Variants in WTIP observed in about 807,000 individuals in gnomAD.
WTIP encodes Wilms tumor protein 1-interacting protein.
A neutral mutation model predicts 41.7 loss-of-function variants in WTIP; 23 were observed. The ratio of observed to expected loss-of-function variants is 0.55; its 90% confidence interval spans 0.40 to 0.78. WTIP has a LOEUF of 0.78. Ranked by LOEUF, WTIP falls within the 30% of genes least tolerant of loss-of-function variation. The pLI, the probability that WTIP is intolerant of heterozygous loss-of-function variation, is 0.00. For synonymous variants in WTIP, 314 were observed against 269.9 expected (o/e 1.16, Z -1.60); for missense variants, 619 against 610.5 (o/e 1.01, Z -0.15).
Position 34,507,246 on chromosome 19 carries a change from A to T in WTIP, c.*6977A>T, listed in dbSNP as rs1212335637. 1 of 144,116 alleles carries T rather than the reference A, an allele frequency of 6.9e-6. No individual in the cohort carries two copies. Among genetic ancestry groups the T allele is most frequent in the African/African-American group, 2.7e-5 (1 of 36,886 alleles). The allele number at this position is 144,116 out of a possible 1,614,324, so 8.9% of individuals were successfully genotyped here. A position where few individuals can be genotyped will look rare whatever the true frequency, so the allele number is the denominator to read the frequency against. On this transcript the variant is annotated 3_prime_UTR_variant, in exon 8 of 8. Coordinates refer to ENST00000590071, the MANE Select transcript of WTIP (RefSeq NM_001080436.2). ...CTCAAAAAAAAAAAAAAAAAAAAAA[A>T]TTGTATTCGGCCTATGATGAAATAT... is the stretch of plus-strand genomic sequence containing the variant.
At chr19:34,500,033 C>A in intron 7 of WTIP, 96 bp from the exon 8 acceptor site, 1 of 1,504,010 alleles carries the variant, frequency 6.6e-7, no homozygotes, top group Middle Eastern at 2.0e-4. Context: ...CGGCACCCTG[C>A]AGATCTGCCC....
rs558922298 is a variant in WTIP, at chr19:34,489,664, G to T, written c.668-712G>T. On this transcript the variant is annotated intron_variant, in intron 1 of 7. Transcript: ENST00000590071. ...TGGTATAAAGATACCATGATAGGCT[G>T]GGTGTGGTGACTCCACGCCTGTAAT... Among the ~76,000 whole-genome samples the T allele has an allele frequency of 9.2e-5, 14 of 152,362 alleles. No homozygotes were observed. In the South Asian group the frequency reaches 2.9e-3, roughly 32 times the overall value.
intron 5 of WTIP, 60 bp from the exon 6 acceptor site, chr19:34,494,526 C>T: frequency 6.4e-7 from 1 of 1,564,134 alleles, no homozygotes. Context: ...TGCCCCTGTG[C>T]TTGTGCCCTT....
At position 34,482,363 on chromosome 19, in the gene WTIP, C is replaced by T; in HGVS notation, c.389C>T (p.Pro130Leu). 3 of 1,383,170 alleles carry T rather than the reference C, an allele frequency of 2.2e-6. No individual in the cohort carries two copies. In the South Asian group the frequency reaches 4.3e-5, roughly 20 times the overall value. 85.7% of individuals were successfully genotyped at this position (1,383,170 alleles called of 1,614,324 possible). A position where few individuals can be genotyped will look rare whatever the true frequency, so the allele number is the denominator to read the frequency against. Reference protein sequence around the residue: ...SPRSGRSDPRPGPGPPSVGSA... With the variant: ...SPRSGRSDPRLGPGPPSVGSA... ...CGCTCCGGTCGCTCGGACCCGCGTC[C>T]CGGTCCCGGGCCGCCTTCGGTGGGC... Residue 130 changes from proline to leucine, a missense_variant, in exon 1 of 8, where the codon CCC becomes CTC. Pro to Leu is a moderately conservative substitution (Grantham distance 98). Coordinates refer to ENST00000590071, the MANE Select transcript of WTIP (RefSeq NM_001080436.2).
chr19:34,481,957 G>C lies in WTIP; in HGVS notation c.-18G>C, dbSNP rs1599948895. 1.0e-6 allele frequency: 1 copy of C among 998,760 alleles called. No homozygotes were observed. Among genetic ancestry groups the C allele is most frequent in the South Asian group, 4.5e-5 (1 of 22,248 alleles). 61.9% of individuals were successfully genotyped at this position (998,760 alleles called of 1,614,324 possible). ...AAGCGGAGGCGGAGGTGACGCGCCA[G>C]GGCCGGCGGGCCGGGCCATGCAGCG... On this transcript the variant is annotated 5_prime_UTR_variant, in exon 1 of 8. Transcript: ENST00000590071.
intron 1 of WTIP, among the ~76,000 whole-genome samples, chr19:34,489,197 T>TTAA (rs2075813060): frequency 1.6e-5 from 1 of 61,976 alleles, no homozygotes. Flanking sequence ...AGACTCTATC[T>TTAA]AAAAAAAAAA....
chr19:34,493,047 C>G lies in WTIP; in HGVS notation c.780C>G (p.Leu260=). 6.2e-7 allele frequency: 1 copy of G among 1,613,916 alleles called. No individual in the cohort carries two copies. The highest frequency in any genetic ancestry group is 8.5e-7 in the Non-Finnish European group (1 of 1,179,868). The change falls in exon 3 of 8, where the codon CTC becomes CTG. Residue 260 remains leucine, a synonymous_variant. Coordinates refer to ENST00000590071, the MANE Select transcript of WTIP (RefSeq NM_001080436.2). This position sits in a 1 kb window ranked among gnomAD's most constrained non-coding sequence, Gnocchi z 4.1. The stretch of plus-strand genomic sequence containing the variant: ...CCCTCACCCTTGCAGGGAGACGACT[C>G]CGTGGGAAGGCGTTCTACAACGTGG... The part of the protein sequence containing the change: ...CFTCDSCGRR[L]RGKAFYNVGE...
chr19:34,496,136 A>G (rs765591124), intron 7 of WTIP, among the ~76,000 whole-genome samples: 1 of 152,136 alleles, frequency 6.6e-6, no homozygotes, highest in Non-Finnish European at 1.5e-5. Context: ...CAGCCTGGGC[A>G]ACAAGAGTGA....
intron 1 of WTIP, among the ~76,000 whole-genome samples, chr19:34,484,760 A>AT (rs1182827699): frequency 1.3e-5 from 2 of 151,288 alleles, no homozygotes; most frequent in Non-Finnish European, 2.9e-5. Context: ...GTGGTGGCAC[A>AT]TTTTTTTTCT....
intron 1 of WTIP, among the ~76,000 whole-genome samples, chr19:34,485,406 T>C (rs986405120): frequency 1.3e-5 from 2 of 152,160 alleles, no homozygotes; most frequent in African/African-American, 4.8e-5. Context: ...TTAAAAAATA[T>C]GGGCAACTAT....
chr19:34,489,204 A>AAAAAG (rs2075813218), intron 1 of WTIP, among the ~76,000 whole-genome samples: 1 of 150,298 alleles, frequency 6.7e-6, no homozygotes, highest in Non-Finnish European at 1.5e-5. Flanking sequence ...ATCTAAAAAA[A>AAAAAG]AAAAAAAAAA....
In WTIP at chr19:34,510,195, A is replaced by G. The variant is rs949147243; in HGVS notation, c.*9926A>G. 6.6e-6 allele frequency: 1 copy of G among 152,190 alleles called. No individual in the cohort carries two copies. The highest frequency in any genetic ancestry group is 1.5e-5 in the Non-Finnish European group (1 of 68,032). The allele number at this position is 152,190 out of a possible 1,614,324, so 9.4% of individuals were successfully genotyped here. On this transcript the variant is annotated 3_prime_UTR_variant, in exon 8 of 8. Transcript: ENST00000590071. ...GCACTGCCCTAGCAGAGGTTCTCCAAGAGGGCCCCTCCCCTGCAGCAAACT... is the reference window on the plus strand; with the variant it reads ...GCACTGCCCTAGCAGAGGTTCTCCAGGAGGGCCCCTCCCCTGCAGCAAACT...
At position 34,511,976 on chromosome 19, in the gene WTIP, T is replaced by C. The variant is rs1355834696; in HGVS notation, c.*11707T>C. The C allele has an allele frequency of 6.6e-6, 1 of 152,284 alleles. No homozygotes were observed. The highest frequency in any genetic ancestry group is 1.5e-5 in the Non-Finnish European group (1 of 68,050). 9.4% of individuals were successfully genotyped at this position (152,284 alleles called of 1,614,324 possible). ...AATTTGGAGCTGACACCCTTTAATATTGAGTCCTGGCTTTGAGGGTCTGGT... is the reference window on the plus strand; with the variant it reads ...AATTTGGAGCTGACACCCTTTAATACTGAGTCCTGGCTTTGAGGGTCTGGT... On this transcript the variant is annotated 3_prime_UTR_variant, in exon 8 of 8. Transcript: ENST00000590071.
intron 2 of WTIP, among the ~76,000 whole-genome samples, chr19:34,491,713 C>T (rs183594858): frequency 1.9e-4 from 29 of 152,116 alleles, no homozygotes; most frequent in Admixed American, 1.4e-3. Context: ...GGCGAGATCT[C>T]GGCTCACTGC....
intron 1 of WTIP, 131 bp downstream of exon 1, chr19:34,482,772 T>C: frequency 8.3e-7 from 1 of 1,200,086 alleles, no homozygotes; most frequent in Non-Finnish European, 1.0e-6. Flanking sequence ...GTGCACGGGG[T>C]TGGGACGAGG....
In WTIP at chr19:34,481,824, A is replaced by C; in HGVS notation, c.-151A>C. On this transcript the variant is annotated 5_prime_UTR_variant, in exon 1 of 8. Coordinates refer to ENST00000590071, the MANE Select transcript of WTIP (RefSeq NM_001080436.2). ...CCCCGGCCCGCGCGTGGCCGCCGGA[A>C]CGACCCCGGCCCGGCGCCGGCCCCG... 4.3e-6 allele frequency: 1 copy of C among 230,626 alleles called. No homozygotes were observed. The highest frequency in any genetic ancestry group is 7.0e-6 in the Non-Finnish European group (1 of 143,316). The allele number at this position is 230,626 out of a possible 1,614,324, so 14.3% of individuals were successfully genotyped here.
At position 34,511,785 on chromosome 19, in the gene WTIP, A is replaced by G. The variant is rs1402769414; in HGVS notation, c.*11516A>G. On this transcript the variant is annotated 3_prime_UTR_variant, in exon 8 of 8. Coordinates refer to ENST00000590071, the MANE Select transcript of WTIP (RefSeq NM_001080436.2). The stretch of plus-strand genomic sequence containing the variant: ...TGAGAATCTTTTGCATGCATTGGCC[A>G]TGGGCTTCCCTTTTGTGAGTTGCCT... 6.6e-6 allele frequency: 1 copy of G among 152,222 alleles called. No homozygotes were observed. Among genetic ancestry groups the G allele is most frequent in the Non-Finnish European group, 1.5e-5 (1 of 68,036 alleles). The allele number at this position is 152,222 out of a possible 1,614,324, so 9.4% of individuals were successfully genotyped here.
chr19:34,490,376 G>A lies in WTIP; in HGVS notation c.668G>A (p.Gly223Asp), dbSNP rs1208604329. The change falls in exon 2 of 8, where the codon GGC (glycine) becomes GAC (aspartate). Residue 223 changes from glycine to aspartate, a missense_variant and splice_region_variant. This residue lies in a region of WTIP where 164 missense variants were observed against 219.1 expected (regional missense o/e 0.75). Transcript: ENST00000590071. ...LEARTARDYF[G>D]ICIKCGLGIY... ...CTCTCTCCTGCCTCTCCTCTCCTAG[G>A]CATTTGCATCAAGTGTGGGCTTGGC... 6.2e-7 allele frequency: 1 copy of A among 1,613,808 alleles called. No individual in the cohort carries two copies. Among genetic ancestry groups the A allele is most frequent in the African/African-American group, 1.3e-5 (1 of 74,922 alleles).
At chr19:34,483,280 T>A (rs2075780270) in intron 1 of WTIP, among the ~76,000 whole-genome samples, 1 of 147,728 alleles carries the variant, frequency 6.8e-6, no homozygotes, top group African/African-American at 2.5e-5. Flanking sequence ...CTCCTCGGCC[T>A]CCCAAGGTGC....
Sources: allele counts gnomAD v4.1 joint callset (sites outside exome capture counted in the v4.1 genomes callset), GRCh38; gene constraint gnomAD v4.1.1; regional missense constraint gnomAD v4.1.1; non-coding constraint Gnocchi (gnomAD v3.1); transcripts MANE v1.5; gene names NCBI Gene and HGNC (gene_info 2026-07-23, HGNC 2026-07-21).